Variants in ZFYVE16 observed in about 807,000 individuals in gnomAD.
ZFYVE16 encodes the protein zinc finger FYVE-type containing 16.
In ZFYVE16, 89 loss-of-function variants were observed where a neutral mutation model predicts 138.1. The observed-to-expected ratio is 0.64, with a 90% CI of 0.54 to 0.77. The LOEUF (loss-of-function observed/expected upper bound fraction) is 0.77. ZFYVE16 is among the 30% of genes least tolerant of loss of function. The pLI, the probability that ZFYVE16 is intolerant of heterozygous loss-of-function variation, is 0.00. For missense variants in ZFYVE16, 1,793 were observed against 1,786.7 expected, an observed-to-expected ratio of 1.00 and a Z score of -0.06; for synonymous variants, 596 against 618.3, an observed-to-expected ratio of 0.96 and a Z score of 0.53.
rs141731920 is a variant in ZFYVE16 at position 80,419,407 on chromosome 5, C to T, written c.-93-8085C>T. Among the ~76,000 whole-genome samples the T allele has an allele frequency of 8.5e-5, 13 of 152,130 alleles. No homozygotes were observed. The East Asian group carries it at 2.5e-3, about 29-fold the overall frequency. Reference sequence around the variant, plus strand: ...CTGGGGTCTATTCTGTTTTATTGATCTACGTGTCTGTTCTCTTGCCAATAC... The same window carrying T: ...CTGGGGTCTATTCTGTTTTATTGATTTACGTGTCTGTTCTCTTGCCAATAC... On this transcript the variant is annotated intron_variant, in intron 1 of 18. Transcript: ENST00000505560.
At position 80,479,576 on chromosome 5, in the gene ZFYVE16, G is replaced by A. The variant is rs990901329; in HGVS notation, c.*2199G>A. 9.9e-5 allele frequency among the ~76,000 whole-genome samples: 15 copies of A among 152,140 alleles called. No individual in the cohort carries two copies. The highest frequency in any genetic ancestry group is 3.4e-4 in the African/African-American group (14 of 41,434). On this transcript the variant is annotated 3_prime_UTR_variant, in exon 19 of 19. Transcript: ENST00000505560. ...GCCCTGTAGGAGCAAAGATTCAATT[G>A]TGGGAAACTACTTGTTTCTGAAAAT... is the stretch of plus-strand genomic sequence containing the variant.
chr5:80,451,664 G>C lies in ZFYVE16; in HGVS notation c.3562G>C (p.Val1188Leu). 1.2e-6 allele frequency: 2 copies of C among 1,613,834 alleles called. No individual in the cohort carries two copies. The highest frequency in any genetic ancestry group is 8.5e-7 in the Non-Finnish European group (1 of 1,179,898). Residue 1188 changes from valine to leucine, a missense_variant, in exon 11 of 19, where the codon GTT becomes CTT. This residue lies in a region of ZFYVE16 where 498 missense variants were observed against 582.4 expected (regional missense o/e 0.86). Coordinates refer to ENST00000505560, the MANE Select transcript of ZFYVE16 (RefSeq NM_001284236.3). Reference protein sequence around the residue: ...IQKLEIPWAKVFPMRLMLRLG... With the variant: ...IQKLEIPWAKLFPMRLMLRLG... ...GAAGCTTGAGATTCCCTGGGCAAAG[G>C]TTTTTCCTATGCGTTTAATGTTGAG...
chr5:80,419,352 T>C (rs1370992782), intron 1 of ZFYVE16, among the ~76,000 whole-genome samples: 3 of 152,000 alleles, frequency 2.0e-5, no homozygotes, highest in African/African-American at 7.2e-5. Flanking sequence ...GCTGGGATTA[T>C]AGGCGTGAGC....
rs2112478866 is a variant in ZFYVE16, at chr5:80,457,044, G to A, written c.3895G>A (p.Gly1299Arg). The change falls in exon 14 of 19, where the codon GGA (glycine) becomes AGA (arginine). Residue 1299 changes from glycine to arginine, a missense_variant. This residue lies in a region of ZFYVE16 where 498 missense variants were observed against 582.4 expected (regional missense o/e 0.86). Coordinates refer to ENST00000505560, the MANE Select transcript of ZFYVE16 (RefSeq NM_001284236.3). ...TCATCTAGTCTGTATACAGAATGAT[G>A]GAATTTATGAAACACAGGCCAACAG... Reference protein sequence around the residue: ...DSHLVCIQNDGIYETQANSAT... With the variant: ...DSHLVCIQNDRIYETQANSAT... 1 of 1,612,584 alleles carries A rather than the reference G, an allele frequency of 6.2e-7. No individual in the cohort carries two copies. Among genetic ancestry groups the A allele is most frequent in the Non-Finnish European group, 8.5e-7 (1 of 1,179,490 alleles).
At chr5:80,426,028 T>G (rs751942578) in intron 1 of ZFYVE16, among the ~76,000 whole-genome samples, 1 of 152,118 alleles carries the variant, frequency 6.6e-6, no homozygotes, top group African/African-American at 2.4e-5. Context: ...TGTTACAAAG[T>G]ATATTTTGTA....
chr5:80,463,495 C>T (rs543854931), intron 15 of ZFYVE16, among the ~76,000 whole-genome samples: 1 of 152,190 alleles, frequency 6.6e-6, no homozygotes, highest in Admixed American at 6.5e-5. Flanking sequence ...CCTCCCAGGC[C>T]TCCAGGCCTG....
rs570609876 is a variant in ZFYVE16 at position 80,431,610 on chromosome 5, A to G, written c.-39-2499A>G. Among the ~76,000 whole-genome samples, 98 of 152,340 alleles carry G rather than the reference A, an allele frequency of 6.4e-4. 2 individuals are homozygous for G. The South Asian group carries it at 0.019, about 30-fold the overall frequency. ...CAGGGCACTCAGGCAGGAGAAGGAA[A>G]TAAAGGGTATTCAATTAGGAAAAGA... On this transcript the variant is annotated intron_variant, in intron 2 of 18. Coordinates refer to ENST00000505560, the MANE Select transcript of ZFYVE16 (RefSeq NM_001284236.3).
rs1489077928 is a variant in ZFYVE16 at position 80,412,789 on chromosome 5, AC to A, written c.-94+4637del. Among the ~76,000 whole-genome samples the A allele has an allele frequency of 4.6e-5, 7 of 152,330 alleles. No homozygotes were observed. The East Asian group carries it at 1.2e-3, about 25-fold the overall frequency. On this transcript the variant is annotated intron_variant, in intron 1 of 18. Coordinates refer to ENST00000505560, the MANE Select transcript of ZFYVE16 (RefSeq NM_001284236.3). Reference sequence around the variant, plus strand: ...CTGTATTCAGAGTTCCGTTACTACTACTTTTTACTATTATGTTTATTTTAAA... The same window carrying A: ...CTGTATTCAGAGTTCCGTTACTACTATTTTTACTATTATGTTTATTTTAAA...
chr5:80,435,250 G>T (rs183195767), intron 3 of ZFYVE16, among the ~76,000 whole-genome samples: 1 of 152,020 alleles, frequency 6.6e-6, no homozygotes, highest in Admixed American at 6.6e-5. Context: ...GGCTAGGCTG[G>T]TCTCGAACTC....
Position 80,451,570 on chromosome 5 carries a change from A to C in ZFYVE16, c.3468A>C (p.Thr1156=). 6.2e-7 allele frequency: 1 copy of C among 1,613,884 alleles called. No homozygotes were observed. Among genetic ancestry groups the C allele is most frequent in the Non-Finnish European group, 8.5e-7 (1 of 1,179,904 alleles). The change falls in exon 11 of 19, where the codon ACA becomes ACC. Residue 1156 remains threonine, a synonymous_variant. Transcript: ENST00000505560. ...SKDHGGFLFI[T]PTFQKLDDLS... is the part of the protein sequence containing the mutation. Reference sequence around the variant, plus strand: ...ATCACGGAGGATTCCTGTTTATTACACCTACTTTTCAGAAACTTGATGATC... The same window carrying C: ...ATCACGGAGGATTCCTGTTTATTACCCCTACTTTTCAGAAACTTGATGATC...
rs572105750 is a variant in ZFYVE16 at position 80,408,306 on chromosome 5, C to T, written c.-94+153C>T. 1.5e-3 allele frequency among the ~76,000 whole-genome samples: 224 copies of T among 152,330 alleles called. 1 individual carries two copies. Among genetic ancestry groups the T allele is most frequent in the Admixed American group, 3.2e-3 (49 of 15,312 alleles). On this transcript the variant is annotated intron_variant, in intron 1 of 18. Coordinates refer to ENST00000505560, the MANE Select transcript of ZFYVE16 (RefSeq NM_001284236.3). The stretch of plus-strand genomic sequence containing the variant: ...CCTGGGCCCCGACCGATTCCTTTTC[C>T]GAGCCCCCGGAGCTGGCCGGGGAAC...
intron 14 of ZFYVE16, among the ~76,000 whole-genome samples, chr5:80,458,811 G>C (rs1752797289): frequency 6.6e-6 from 1 of 152,154 alleles, no homozygotes. Flanking sequence ...CATAAAAACT[G>C]TTCTGATTTG....
At position 80,482,780 on chromosome 5, in the gene ZFYVE16, A is replaced by G. The variant is rs910833572; in HGVS notation, c.*5403A>G. 6.6e-5 allele frequency: 10 copies of G among 152,266 alleles called. No individual in the cohort carries two copies. The highest frequency in any genetic ancestry group is 2.4e-4 in the African/African-American group (10 of 41,480). The allele number at this position is 152,266 out of a possible 1,614,324, so 9.4% of individuals were successfully genotyped here. ...ATTTATAAAGTGCTTTTAAAAAGCAACAAAACTGTCAACACAGAATCCTTT... is the reference window on the plus strand; with the variant it reads ...ATTTATAAAGTGCTTTTAAAAAGCAGCAAAACTGTCAACACAGAATCCTTT... On this transcript the variant is annotated 3_prime_UTR_variant, in exon 19 of 19. Coordinates refer to ENST00000505560, the MANE Select transcript of ZFYVE16 (RefSeq NM_001284236.3).
chr5:80,420,032 G>C (rs1271924283), intron 1 of ZFYVE16, among the ~76,000 whole-genome samples: 1 of 151,328 alleles, frequency 6.6e-6, no homozygotes, highest in South Asian at 2.1e-4. Flanking sequence ...AGCTGGTCTT[G>C]AACTCCTGAC....
intron 18 of ZFYVE16, among the ~76,000 whole-genome samples, chr5:80,476,549 GTTCTCT>G (rs1366395894): frequency 6.6e-6 from 1 of 152,156 alleles, no homozygotes; most frequent in Non-Finnish European, 1.5e-5. Flanking sequence ...TGAACTGAAA[GTTCTCT>G]TTCTGACATC....
intron 1 of ZFYVE16, among the ~76,000 whole-genome samples, chr5:80,415,597 T>C (rs1746089479): frequency 6.6e-6 from 1 of 152,222 alleles, no homozygotes; most frequent in Admixed American, 6.5e-5. Context: ...ATTGGGGTAA[T>C]GTGTTTCGGA....
intron 15 of ZFYVE16, among the ~76,000 whole-genome samples, chr5:80,470,274 C>T (rs550316717): frequency 1.4e-5 from 2 of 148,004 alleles, no homozygotes; most frequent in South Asian, 2.2e-4. Context: ...GCTAATTTTT[C>T]GTATTTTTAG....
At chr5:80,470,538 A>G (rs1279784503) in intron 15 of ZFYVE16, among the ~76,000 whole-genome samples, 1 of 149,796 alleles carries the variant, frequency 6.7e-6, no homozygotes, top group Non-Finnish European at 1.5e-5. Flanking sequence ...TTGAGACAGG[A>G]TCTCGCTCTG....
chr5:80,443,328 A>C, intron 6 of ZFYVE16, 44 bp downstream of exon 6: 1 of 1,574,588 alleles, frequency 6.4e-7, no homozygotes, highest in Non-Finnish European at 8.6e-7. Context: ...TAAATTATTG[A>C]AATAGAAATT....
Sources: allele counts gnomAD v4.1 joint callset (sites outside exome capture counted in the v4.1 genomes callset), GRCh38; gene constraint gnomAD v4.1.1; regional missense constraint gnomAD v4.1.1; transcripts MANE v1.5; gene names NCBI Gene and HGNC (gene_info 2026-07-23, HGNC 2026-07-21).